NTRK2: variants seen among roughly 807,000 people sequenced by gnomAD.
NTRK2 encodes neurotrophic receptor tyrosine kinase 2.
In NTRK2, 13 loss-of-function variants were observed where a neutral mutation model predicts 94.5. That is an observed-to-expected ratio of 0.14 (90% CI 0.09 to 0.22). The LOEUF is 0.22. Ranked by LOEUF, NTRK2 falls within the 10% of genes least tolerant of loss-of-function variation. The pLI, the probability that NTRK2 is intolerant of heterozygous loss-of-function variation, is 1.00. For synonymous variants in NTRK2, 372 were observed against 407.4 expected, an observed-to-expected ratio of 0.91 and a Z score of 1.05; for missense variants, 639 against 1,071.2, an observed-to-expected ratio of 0.60 and a Z score of 5.63.
chr9:84,931,287 G>C (rs1244832875), intron 14 of NTRK2, among the ~76,000 whole-genome samples: 1 of 151,922 alleles, frequency 6.6e-6, no homozygotes, highest in African/African-American at 2.4e-5. Flanking sequence ...CACACCTGTA[G>C]TCTCAGCTAC....
At chr9:84,878,666 G>A (rs2076162271) in intron 14 of NTRK2, among the ~76,000 whole-genome samples, 1 of 150,670 alleles carries the variant, frequency 6.6e-6, no homozygotes, top group Admixed American at 6.6e-5. Flanking sequence ...TATTTTTTAA[G>A]CGCAAATATT....
chr9:84,749,315 T>C (rs558925940), intron 11 of NTRK2, among the ~76,000 whole-genome samples: 11 of 152,350 alleles, frequency 7.2e-5, no homozygotes, highest in African/African-American at 2.6e-4. Context: ...AAGAGAATGA[T>C]CATTACTTTT....
chr9:84,843,385 C>A (rs919698779), intron 12 of NTRK2, among the ~76,000 whole-genome samples: 3 of 152,194 alleles, frequency 2.0e-5, no homozygotes, highest in African/African-American at 7.2e-5. Context: ...GAGCTGCAGG[C>A]CTTTCTCACC....
intron 12 of NTRK2, among the ~76,000 whole-genome samples, chr9:84,831,167 C>T (rs1010986855): frequency 6.6e-6 from 1 of 152,276 alleles, no homozygotes; most frequent in Admixed American, 6.5e-5. Flanking sequence ...CTGTCCATAT[C>T]TCTGGATTTT....
chr9:84,944,385 C>G (rs764716971), intron 15 of NTRK2, among the ~76,000 whole-genome samples: 6 of 152,018 alleles, frequency 3.9e-5, no homozygotes, highest in Non-Finnish European at 8.8e-5. Context: ...GCCTCAGCCT[C>G]CCGAGTAGCT....
At chr9:84,843,156 C>T (rs1165938467) in intron 12 of NTRK2, among the ~76,000 whole-genome samples, 1 of 152,092 alleles carries the variant, frequency 6.6e-6, no homozygotes, top group Non-Finnish European at 1.5e-5. Flanking sequence ...TCAGTAGGTG[C>T]TAATTCTTCC....
At chr9:84,694,888 T>TATCA (rs2060269007) in intron 2 of NTRK2, among the ~76,000 whole-genome samples, 1 of 151,774 alleles carries the variant, frequency 6.6e-6, no homozygotes. Context: ...GATAAAAATC[T>TATCA]ATCTATTGGC....
Position 85,022,360 on chromosome 9 carries a change from A to G in NTRK2, c.*923A>G. ...AAGATGGCGCATAGTGTGCTCGGAC[A>G]CAGTTTTGTCTTCGTAGGTTGTGAT... On this transcript the variant is annotated 3_prime_UTR_variant, in exon 19 of 19. Transcript: ENST00000277120. The G allele has an allele frequency of 4.3e-6, 1 of 233,224 alleles. No individual in the cohort carries two copies. The highest frequency in any genetic ancestry group is 8.5e-6 in the Non-Finnish European group (1 of 117,998). 14.4% of individuals were successfully genotyped at this position (233,224 alleles called of 1,614,324 possible). A position where few individuals can be genotyped will look rare whatever the true frequency, so the allele number is the denominator to read the frequency against.
At chr9:84,975,213 T>G (rs908635757) in intron 17 of NTRK2, among the ~76,000 whole-genome samples, 1 of 152,074 alleles carries the variant, frequency 6.6e-6, no homozygotes, top group Non-Finnish European at 1.5e-5. Context: ...TGGAGCTTTT[T>G]TCCCCCCTCT....
At chr9:84,825,322 C>G (rs763308073) in intron 12 of NTRK2, among the ~76,000 whole-genome samples, 4 of 152,110 alleles carry the variant, frequency 2.6e-5, no homozygotes, top group Non-Finnish European at 5.9e-5. Context: ...CAGGCTTGAG[C>G]CTTAGGCAAC....
At chr9:84,898,684 T>A (rs111866848) in intron 14 of NTRK2, among the ~76,000 whole-genome samples, 71 of 152,144 alleles carry the variant, frequency 4.7e-4, no homozygotes, top group African/African-American at 1.6e-3. Context: ...AGCCCCCATT[T>A]TTTTTTTTCT....
chr9:84,859,778 A>G (rs2075243840), intron 12 of NTRK2, among the ~76,000 whole-genome samples: 1 of 152,254 alleles, frequency 6.6e-6, no homozygotes, highest in Non-Finnish European at 1.5e-5. Context: ...GTTGTAACTA[A>G]GAAATCCATA....
At chr9:84,929,759 A>C (rs572243919) in intron 14 of NTRK2, among the ~76,000 whole-genome samples, 3 of 152,230 alleles carry the variant, frequency 2.0e-5, no homozygotes, top group African/African-American at 7.2e-5. Flanking sequence ...ACAGGGTTTC[A>C]CCACGTTGGC....
intron 2 of NTRK2, among the ~76,000 whole-genome samples, chr9:84,690,249 T>G (rs2059966075): frequency 6.6e-6 from 1 of 152,160 alleles, no homozygotes; most frequent in Non-Finnish European, 1.5e-5. Context: ...CTGGAATCAT[T>G]CTCCTCTCTT....
At chr9:84,832,904 C>T (rs2073647437) in intron 12 of NTRK2, among the ~76,000 whole-genome samples, 1 of 151,986 alleles carries the variant, frequency 6.6e-6, no homozygotes, top group South Asian at 2.1e-4. Context: ...TAGATAATAT[C>T]GGCAGCCACC....
At chr9:84,940,719 C>T (rs752885463) in intron 15 of NTRK2, among the ~76,000 whole-genome samples, 2 of 149,878 alleles carry the variant, frequency 1.3e-5, no homozygotes, top group Admixed American at 6.7e-5. Context: ...ACATTCTCTC[C>T]AATTCTGGAA....
chr9:84,852,229 C>T (rs2074811009), intron 12 of NTRK2, among the ~76,000 whole-genome samples: 1 of 152,222 alleles, frequency 6.6e-6, no homozygotes. Flanking sequence ...GAGAATCAGC[C>T]AGCTTCCTCC....
chr9:85,005,262 T>G (rs948432255), intron 17 of NTRK2, among the ~76,000 whole-genome samples: 3 of 152,206 alleles, frequency 2.0e-5, no homozygotes, highest in African/African-American at 7.2e-5. Context: ...CTTGCATAGC[T>G]GGTCATGCCA....
chr9:84,779,633 C>CT (rs764459691), intron 12 of NTRK2, among the ~76,000 whole-genome samples: 2 of 152,138 alleles, frequency 1.3e-5, no homozygotes, highest in Non-Finnish European at 2.9e-5. Context: ...GGTTGCTGCA[C>CT]CTTTTTTTGT....
Sources: allele counts gnomAD v4.1 joint callset (sites outside exome capture counted in the v4.1 genomes callset), GRCh38; gene constraint gnomAD v4.1.1; transcripts MANE v1.5; gene names NCBI Gene and HGNC (gene_info 2026-07-23, HGNC 2026-07-21).